The following ACOT12 variants were observed in gnomAD, a reference collection of about 807,000 sequenced individuals.
ACOT12 encodes the protein acetyl-coenzyme A thioesterase.
A neutral mutation model predicts 67.7 loss-of-function variants in ACOT12; 51 were observed. The observed-to-expected ratio is 0.75, with a 90% confidence interval of 0.60 to 0.95. The LOEUF (loss-of-function observed/expected upper bound fraction) is 0.95. Ranked by LOEUF, ACOT12 falls within the 40% of genes least tolerant of loss-of-function variation. ACOT12 has a pLI of 0.00. For synonymous variants in ACOT12, 251 were observed against 244.6 expected (o/e 1.03, Z -0.24); for missense variants, 734 against 708.1 (o/e 1.04, Z -0.41).
intron 1 of ACOT12, 120 bp downstream of exon 1, chr5:81,393,868 T>G: frequency 8.9e-7 from 1 of 1,120,806 alleles, no homozygotes; most frequent in East Asian, 3.5e-5. Context: ...TATCCCTGGC[T>G]GCGCAGGGTT....
chr5:81,363,976 C>T (rs1479909982), intron 3 of ACOT12, 87 bp from the exon 4 acceptor site: 1 of 734,138 alleles, frequency 1.4e-6, no homozygotes, highest in African/African-American at 1.8e-5. Context: ...GCACCATTAC[C>T]TTCTTTCATT....
chr5:81,387,311 C>T (rs978625260), intron 1 of ACOT12, among the ~76,000 whole-genome samples: 1 of 152,000 alleles, frequency 6.6e-6, no homozygotes, highest in Non-Finnish European at 1.5e-5. Context: ...AAGCAGTCCA[C>T]TCTGTGGCAC....
intron 1 of ACOT12, among the ~76,000 whole-genome samples, chr5:81,387,397 T>C (rs1760758108): frequency 6.6e-6 from 1 of 152,228 alleles, no homozygotes; most frequent in Non-Finnish European, 1.5e-5. Context: ...TGCAAATATA[T>C]GCTTAAATCA....
chr5:81,343,733 C>A, intron 10 of ACOT12, 85 bp downstream of exon 10: 4 of 1,359,824 alleles, frequency 2.9e-6, no homozygotes, highest in South Asian at 1.3e-5. Flanking sequence ...TGCGTAGGCA[C>A]AGCCTAGGCC....
At chr5:81,332,351 A>G in intron 13 of ACOT12, 126 bp downstream of exon 13, 21 of 1,058,702 alleles carry the variant, frequency 2.0e-5, no homozygotes, top group Non-Finnish European at 2.8e-5. Context: ...TCATCTAGGT[A>G]TAATTCAAAT....
In ACOT12 at chr5:81,343,734, A is replaced by AT. The variant is rs2153848393; in HGVS notation, c.1044+83_1044+84insA. 5 of 1,357,114 alleles carry AT rather than the reference A, an allele frequency of 3.7e-6. No individual in the cohort carries two copies. In the South Asian group the frequency reaches 6.4e-5, roughly 17 times the overall value. 84.1% of individuals were successfully genotyped at this position (1,357,114 alleles called of 1,614,324 possible). On this transcript the variant is annotated intron_variant, in intron 10 of 14. Transcript: ENST00000307624. ...CTTTTCACATAGCCTGCGTAGGCAC[A>AT]GCCTAGGCCAGTTAGGCAAGCGGAT...
At chr5:81,340,174 A>G (rs1010455005) in intron 11 of ACOT12, among the ~76,000 whole-genome samples, 1 of 151,312 alleles carries the variant, frequency 6.6e-6, no homozygotes, top group African/African-American at 2.4e-5. Flanking sequence ...AGCAGCTGAG[A>G]TTACAGGTGC....
intron 2 of ACOT12, among the ~76,000 whole-genome samples, chr5:81,385,042 C>T (rs1199593548): frequency 6.6e-6 from 1 of 152,174 alleles, no homozygotes; most frequent in African/African-American, 2.4e-5. Flanking sequence ...TCATAATTTA[C>T]TCTCTCTACT....
intron 6 of ACOT12, among the ~76,000 whole-genome samples, chr5:81,346,840 T>C (rs1195856741): frequency 4.6e-5 from 7 of 152,178 alleles, no homozygotes; most frequent in African/African-American, 9.6e-5. Context: ...TTGAGGGAAA[T>C]ACAACCTTAA....
chr5:81,325,804 T>C (rs1758659508), downstream of ACOT12, among the ~76,000 whole-genome samples: 1 of 152,136 alleles, frequency 6.6e-6, no homozygotes, highest in Non-Finnish European at 1.5e-5. Flanking sequence ...TTGAGAGTCT[T>C]GCTTTCTCTT....
chr5:81,359,650 C>T (rs775775712), intron 5 of ACOT12, among the ~76,000 whole-genome samples: 25 of 152,168 alleles, frequency 1.6e-4, no homozygotes, highest in Non-Finnish European at 3.1e-4. Flanking sequence ...TTACTAATGA[C>T]TGCCTGGTCC....
At position 81,330,439 on chromosome 5, in the gene ACOT12, C is replaced by A; in HGVS notation, c.1623G>T (p.Gln541His). ...CATCATCAGGAGGATTCTCTAAGAA[C>A]TGTATACAAGAGGCTGCTGTTTCTT... is the stretch of plus-strand genomic sequence containing the variant. ...SIEETAASCI[Q>H]FLENPPDDGF... Residue 541 changes from glutamine (Q) to histidine (H), a missense_variant, in exon 15 of 15, where the codon CAG becomes CAT. Gln to His is a conservative substitution (Grantham distance 24). Transcript: ENST00000307624. 1.9e-6 allele frequency: 3 copies of A among 1,614,008 alleles called. No individual in the cohort carries two copies. Among genetic ancestry groups the A allele is most frequent in the Non-Finnish European group, 2.5e-6 (3 of 1,179,934 alleles).
At chr5:81,379,456 G>A (rs1760516042) in intron 2 of ACOT12, among the ~76,000 whole-genome samples, 1 of 151,916 alleles carries the variant, frequency 6.6e-6, no homozygotes, top group South Asian at 2.1e-4. Flanking sequence ...TTCTGCACAT[G>A]TACCCCAGAA....
At chr5:81,366,205 A>C (rs538819597) in intron 3 of ACOT12, among the ~76,000 whole-genome samples, 1 of 152,314 alleles carries the variant, frequency 6.6e-6, no homozygotes, top group East Asian at 1.9e-4. Context: ...GGCTCAAACC[A>C]ATCTGCAAGT....
the ACOT12 span, among the ~76,000 whole-genome samples, chr5:81,316,337 T>C: frequency 6.6e-6 from 1 of 152,214 alleles, no homozygotes; most frequent in East Asian, 1.9e-4. Context: ...TACTGGCATC[T>C]ACTAATTTAC....
the ACOT12 span, among the ~76,000 whole-genome samples, chr5:81,316,678 T>C: frequency 4.6e-5 from 7 of 152,224 alleles, no homozygotes; most frequent in Non-Finnish European, 1.0e-4. Flanking sequence ...TAATCAGCAA[T>C]GTATGAGAGT....
At chr5:81,371,722 G>A (rs1418957230) in intron 3 of ACOT12, 28 bp downstream of exon 3, 1 of 1,607,162 alleles carries the variant, frequency 6.2e-7, no homozygotes, top group Non-Finnish European at 8.5e-7. Flanking sequence ...AGCACCAACA[G>A]GCAGATGTTT....
At chr5:81,336,901 C>A (rs955556353) in intron 11 of ACOT12, among the ~76,000 whole-genome samples, 1 of 152,106 alleles carries the variant, frequency 6.6e-6, no homozygotes, top group Non-Finnish European at 1.5e-5. Flanking sequence ...CTACAAGCTG[C>A]TCAGAAAGGA....
intron 3 of ACOT12, among the ~76,000 whole-genome samples, chr5:81,366,079 A>G (rs1347791475): frequency 6.6e-6 from 1 of 152,234 alleles, no homozygotes; most frequent in East Asian, 1.9e-4. Flanking sequence ...ATTTCACTGA[A>G]TATATAACAC....
Sources: gnomAD v4.1 joint callset for allele counts (sites outside exome capture counted in the v4.1 genomes callset) on GRCh38, gnomAD v4.1.1 for gene constraint, MANE v1.5 for transcripts, NCBI Gene and HGNC (gene_info 2026-07-23, HGNC 2026-07-21) for gene names.